The following ZNF827 variants were observed in gnomAD, a reference collection of about 807,000 sequenced individuals.
The protein encoded by ZNF827 is zinc finger protein 827.
In ZNF827, 13 loss-of-function variants were observed where a neutral mutation model predicts 102.4. The ratio of observed to expected loss-of-function variants is 0.13; its 90% CI spans 0.08 to 0.20. ZNF827 has a LOEUF of 0.20. Ranked by LOEUF, ZNF827 falls within the 10% of genes least tolerant of loss-of-function variation. The pLI, the probability that ZNF827 is intolerant of heterozygous loss-of-function variation, is 1.00. For missense variants in ZNF827, 1,103 were observed against 1,344.4 expected, an observed-to-expected ratio of 0.82 and a Z score of 2.81; for synonymous variants, 523 against 536.2, an observed-to-expected ratio of 0.98 and a Z score of 0.34.
At chr4:145,935,697 C>T (rs1754110927) in intron 1 of ZNF827, among the ~76,000 whole-genome samples, 1 of 152,086 alleles carries the variant, frequency 6.6e-6, no homozygotes, top group African/African-American at 2.4e-5. Context: ...AGGATTCAAT[C>T]AGACAGCAAA....
chr4:145,860,543 G>A (rs60148800), intron 5 of ZNF827, among the ~76,000 whole-genome samples: 3,048 of 152,242 alleles, frequency 0.02, 97 homozygotes, highest in African/African-American at 0.069. Flanking sequence ...GTGATGGGTC[G>A]CACATAAATT....
chr4:145,790,066 T>G (rs1246524913), intron 8 of ZNF827, among the ~76,000 whole-genome samples: 1 of 152,226 alleles, frequency 6.6e-6, no homozygotes, highest in Non-Finnish European at 1.5e-5. Flanking sequence ...ATGAGACCCT[T>G]ATAGTCTGTT....
At chr4:145,884,075 C>G (rs552800497) in intron 4 of ZNF827, among the ~76,000 whole-genome samples, 1 of 152,288 alleles carries the variant, frequency 6.6e-6, no homozygotes, top group Non-Finnish European at 1.5e-5. Flanking sequence ...TGATGAGGAG[C>G]AGAGAAGCCA....
chr4:145,892,509 T>A, intron 2 of ZNF827, 94 bp from the exon 3 acceptor site: 2 of 1,303,466 alleles, frequency 1.5e-6, no homozygotes, highest in Non-Finnish European at 2.0e-6. Flanking sequence ...TAAAAAGCAC[T>A]AAAAATGATT....
At chr4:145,908,799 G>C (rs1444791242) in intron 1 of ZNF827, among the ~76,000 whole-genome samples, 1 of 152,184 alleles carries the variant, frequency 6.6e-6, no homozygotes, top group East Asian at 1.9e-4. Flanking sequence ...AGAAGAGTGA[G>C]GGTTTCACAA....
In ZNF827 at chr4:145,793,244, A is replaced by AAG. The variant is rs200536189; in HGVS notation, c.2384-13735_2384-13734dup. 2.9e-4 allele frequency among the ~76,000 whole-genome samples: 21 copies of AAG among 71,690 alleles called. No individual in the cohort carries two copies. The East Asian group carries it at 4.4e-3, about 15-fold the overall frequency. The allele number at this position is 71,690 out of a possible 152,430, so 47.0% of individuals were successfully genotyped here. On this transcript the variant is annotated intron_variant, in intron 8 of 14. Transcript: ENST00000508784. ...TAGGGTTCCCTAGAGTGACAGAACTAAGAGATATATATATATATATCTCTT... is the reference window on the plus strand; with the variant it reads ...TAGGGTTCCCTAGAGTGACAGAACTAAGAGAGATATATATATATATATCTCTT...
At chr4:145,791,366 T>G (rs1057134712) in intron 8 of ZNF827, among the ~76,000 whole-genome samples, 1 of 152,184 alleles carries the variant, frequency 6.6e-6, no homozygotes, top group Non-Finnish European at 1.5e-5. Context: ...AAAGGCTCCA[T>G]CTTCTACATA....
chr4:145,881,792 A>G (rs932599373), intron 4 of ZNF827, among the ~76,000 whole-genome samples: 1 of 152,032 alleles, frequency 6.6e-6, no homozygotes, highest in Admixed American at 6.6e-5. Context: ...ATCTCATACC[A>G]CCATGCCCCG....
intron 8 of ZNF827, among the ~76,000 whole-genome samples, chr4:145,818,457 T>C (rs1377326275): frequency 6.6e-6 from 1 of 152,266 alleles, no homozygotes; most frequent in East Asian, 1.9e-4. Flanking sequence ...GACAATTTAA[T>C]AGATCCTTGA....
At chr4:145,777,846 G>A (rs1737347594) in intron 9 of ZNF827, among the ~76,000 whole-genome samples, 1 of 152,056 alleles carries the variant, frequency 6.6e-6, no homozygotes, top group South Asian at 2.1e-4. Context: ...CCAGGTTTAT[G>A]TATGAAGTGT....
At position 145,897,689 on chromosome 4, in the gene ZNF827, T is replaced by A. The variant is rs553787535; in HGVS notation, c.1093+4477A>T. 7.2e-5 allele frequency among the ~76,000 whole-genome samples: 11 copies of A among 152,370 alleles called. No homozygotes were observed. The South Asian group carries it at 2.3e-3, about 32-fold the overall frequency. On this transcript the variant is annotated intron_variant, in intron 2 of 14. Coordinates refer to ENST00000508784, the MANE Select transcript of ZNF827 (RefSeq NM_001306215.2). ...TTATTATGGATGCTGACTTTATTAATGCCTATTTTAACTAGTAAATATTCA... is the reference window on the plus strand; with the variant it reads ...TTATTATGGATGCTGACTTTATTAAAGCCTATTTTAACTAGTAAATATTCA...
In ZNF827 at chr4:145,764,974, C is replaced by A; in HGVS notation, c.3230+14G>T. The A allele has an allele frequency of 2.5e-6, 4 of 1,610,992 alleles. No homozygotes were observed. The highest frequency in any genetic ancestry group is 3.4e-6 in the Non-Finnish European group (4 of 1,178,360). On this transcript the variant is annotated intron_variant, in intron 13 of 14. Coordinates refer to ENST00000508784, the MANE Select transcript of ZNF827 (RefSeq NM_001306215.2). ...TAACAACGCAGTAAAAGGTTCTGTA[C>A]TTGCTTTCCTTACTTGAGCCCACCG...
At chr4:145,767,468 A>G (rs1168452173) in intron 11 of ZNF827, among the ~76,000 whole-genome samples, 1 of 152,132 alleles carries the variant, frequency 6.6e-6, no homozygotes, top group Non-Finnish European at 1.5e-5. Flanking sequence ...ATGGCCAAAA[A>G]TTTTCCAAAT....
chr4:145,902,073 G>T lies in ZNF827; in HGVS notation c.1093+93C>A. ...GCTTTTTTATTCCTGCCTCAGATCA[G>T]ATGGGGAACCCAACTGAAAAAAGCA... On this transcript the variant is annotated intron_variant, in intron 2 of 14. Transcript: ENST00000508784. The surrounding 1 kb of genome is among the most constrained non-coding windows in gnomAD (Gnocchi z 4.3). The T allele has an allele frequency of 6.8e-7, 1 of 1,473,190 alleles. No individual in the cohort carries two copies. The highest frequency in any genetic ancestry group is 9.1e-7 in the Non-Finnish European group (1 of 1,103,898). 91.3% of individuals were successfully genotyped at this position (1,473,190 alleles called of 1,614,324 possible). A position where few individuals can be genotyped will look rare whatever the true frequency, so the allele number is the denominator to read the frequency against.
chr4:145,872,600 G>C (rs1748797261), intron 4 of ZNF827, among the ~76,000 whole-genome samples: 1 of 152,152 alleles, frequency 6.6e-6, no homozygotes. Flanking sequence ...TTTATGGCTG[G>C]GTGCGGTGGC....
intron 6 of ZNF827, among the ~76,000 whole-genome samples, chr4:145,848,260 G>A (rs968112406): frequency 1.2e-4 from 19 of 152,120 alleles, no homozygotes; most frequent in East Asian, 5.8e-4. Flanking sequence ...TAGTGATTTC[G>A]GCTACTGCAG....
rs568415547 is a variant in ZNF827, at chr4:145,831,308, G to A, written c.2280-7783C>T. The A allele has an allele frequency of 9.8e-5, 15 of 152,328 alleles. No individual in the cohort carries two copies. The South Asian group carries it at 3.1e-3, about 32-fold the overall frequency. 9.4% of individuals were successfully genotyped at this position (152,328 alleles called of 1,614,324 possible). A position where few individuals can be genotyped will look rare whatever the true frequency, so the allele number is the denominator to read the frequency against. On this transcript the variant is annotated intron_variant, in intron 7 of 14. Coordinates refer to ENST00000508784, the MANE Select transcript of ZNF827 (RefSeq NM_001306215.2). ...CCTGTGACCCCAGTGGGTTAGGCCT[G>A]AAAACTCGGTCATTGATCATGTTGG... is the stretch of plus-strand genomic sequence containing the variant.
At chr4:145,895,052 C>T (rs1349871901) in intron 2 of ZNF827, among the ~76,000 whole-genome samples, 2 of 152,138 alleles carry the variant, frequency 1.3e-5, no homozygotes, top group Non-Finnish European at 2.9e-5. Flanking sequence ...GATAAACAAA[C>T]AGGCTGTCAT....
chr4:145,782,252 C>T (rs1361495619), intron 8 of ZNF827, among the ~76,000 whole-genome samples: 2 of 152,180 alleles, frequency 1.3e-5, no homozygotes, highest in Admixed American at 6.5e-5. Context: ...AACATGACCT[C>T]GAAATCACGG....
Sources: allele counts gnomAD v4.1 joint callset (sites outside exome capture counted in the v4.1 genomes callset), GRCh38; gene constraint gnomAD v4.1.1; non-coding constraint Gnocchi (gnomAD v3.1); transcripts MANE v1.5; gene names NCBI Gene and HGNC (gene_info 2026-07-23, HGNC 2026-07-21).